Variants in SMYD3 observed in about 807,000 individuals in gnomAD.
The protein encoded by SMYD3 is histone-lysine N-methyltransferase SMYD3.
Under a neutral mutation model 57.7 loss-of-function variants are expected in SMYD3, and 36 were observed. That is an observed-to-expected ratio of 0.62 (90% confidence interval 0.48 to 0.82). The LOEUF is 0.82. SMYD3 is among the 40% of genes least tolerant of loss of function. SMYD3 has a pLI of 0.00. For synonymous variants in SMYD3, 211 were observed against 195.0 expected (o/e 1.08, Z -0.68); for missense variants, 515 against 538.8 (o/e 0.96, Z 0.44).
Position 246,355,094 on chromosome 1 carries a change from C to T in SMYD3, c.165G>A (p.Gly55=). 6.2e-7 allele frequency: 1 copy of T among 1,614,006 alleles called. No homozygotes were observed. Among genetic ancestry groups the T allele is most frequent in the African/African-American group, 1.3e-5 (1 of 75,016 alleles). The change falls in exon 2 of 12, where the codon GGG becomes GGA. Residue 55 remains glycine, a splice_region_variant and synonymous_variant. Transcript: ENST00000490107. The surrounding 1 kb of genome is among the most constrained non-coding windows in gnomAD (Gnocchi z 5.0). The part of the protein sequence containing the change: ...RGVVCDRCLL[G]KEKLMRCSQC... ...GAGAGCATCGCATCAGCTTTTCCTT[C>T]CTGTGGGGAAAAAAATTAATTCTGC...
At chr1:246,095,181 G>C (rs1209073212) in intron 5 of SMYD3, among the ~76,000 whole-genome samples, 1 of 152,148 alleles carries the variant, frequency 6.6e-6, no homozygotes, top group Non-Finnish European at 1.5e-5. Flanking sequence ...CTTGCGGGTG[G>C]CTAGCACAAA....
chr1:246,256,021 G>C (rs528604078), intron 5 of SMYD3, among the ~76,000 whole-genome samples: 47 of 151,582 alleles, frequency 3.1e-4, no homozygotes, highest in African/African-American at 1.1e-3. Flanking sequence ...TAGATACATA[G>C]ATAGATACAT....
chr1:246,155,729 C>A (rs957498458), intron 5 of SMYD3, among the ~76,000 whole-genome samples: 1 of 152,130 alleles, frequency 6.6e-6, no homozygotes, highest in Non-Finnish European at 1.5e-5. Context: ...CCTGTAATCC[C>A]GGCACTTTGG....
intron 8 of SMYD3, among the ~76,000 whole-genome samples, chr1:245,889,712 A>T (rs2053274955): frequency 1.3e-5 from 2 of 152,236 alleles, no homozygotes; most frequent in South Asian, 4.1e-4. Flanking sequence ...TACCAATGAC[A>T]TTCTTCACAG....
At chr1:245,753,386 G>C (rs1380177142) in intron 11 of SMYD3, among the ~76,000 whole-genome samples, 1 of 152,200 alleles carries the variant, frequency 6.6e-6, no homozygotes, top group Non-Finnish European at 1.5e-5. Flanking sequence ...AAAACGAGAA[G>C]AAAGAAGTAG....
intron 1 of SMYD3, among the ~76,000 whole-genome samples, chr1:246,381,796 G>A (rs2066390010): frequency 6.6e-6 from 1 of 152,192 alleles, no homozygotes; most frequent in South Asian, 2.1e-4. Context: ...TGCAGCCTCA[G>A]ACTCCTCCAG....
In SMYD3 at chr1:246,390,214, CAAAAAAAAAAAAAAAA is replaced by C. The variant is rs56279385; in HGVS notation, c.165-35136_165-35121del. ...GGGTGACAGAGCAAGATTCTGTCTC[CAAAAAAAAAAAAAAAA>C]AAAAAAAAAAAAGCAAACTCCATAA... On this transcript the variant is annotated intron_variant, in intron 1 of 11. Transcript: ENST00000490107. Among the ~76,000 whole-genome samples, 117 of 67,048 alleles carry C rather than the reference CAAAAAAAAAAAAAAAA, an allele frequency of 1.7e-3. No individual in the cohort carries two copies. In the East Asian group the frequency reaches 0.043, roughly 25 times the overall value. The allele number at this position is 67,048 out of a possible 152,430, so 44.0% of individuals were successfully genotyped here.
At chr1:246,053,952 G>A (rs181970338) in intron 5 of SMYD3, among the ~76,000 whole-genome samples, 7 of 151,954 alleles carry the variant, frequency 4.6e-5, no homozygotes, top group East Asian at 3.9e-4. Context: ...TAAAAACTTC[G>A]GCTCTTCAAA....
At chr1:246,479,260 G>C (rs2068072318) in intron 1 of SMYD3, among the ~76,000 whole-genome samples, 1 of 152,256 alleles carries the variant, frequency 6.6e-6, no homozygotes, top group Non-Finnish European at 1.5e-5. Flanking sequence ...AGGAATGAGG[G>C]CTAGAAGACC....
intron 5 of SMYD3, among the ~76,000 whole-genome samples, chr1:246,094,461 G>A (rs1166958534): frequency 6.6e-6 from 1 of 152,196 alleles, no homozygotes. Flanking sequence ...TGCTGTGAAA[G>A]ACTACAGGAT....
chr1:246,061,171 C>T (rs1014466169), intron 5 of SMYD3, among the ~76,000 whole-genome samples: 3 of 152,046 alleles, frequency 2.0e-5, no homozygotes, highest in Non-Finnish European at 4.4e-5. Flanking sequence ...TGCAGTGAGT[C>T]GAGATGGCAC....
intron 10 of SMYD3, among the ~76,000 whole-genome samples, chr1:245,787,969 T>G (rs2148170337): frequency 1.3e-5 from 2 of 152,306 alleles, no homozygotes; most frequent in Middle Eastern, 6.8e-3. Context: ...TTTAAATCAC[T>G]TAGTCCTGGG....
chr1:246,327,422 C>A, intron 4 of SMYD3, 85 bp from the exon 5 acceptor site: 1 of 1,139,772 alleles, frequency 8.8e-7, no homozygotes, highest in Non-Finnish European at 1.3e-6. Context: ...GGCTGTTAAA[C>A]CAGATATTTC....
intron 8 of SMYD3, among the ~76,000 whole-genome samples, chr1:245,864,491 T>A (rs1427163040): frequency 1.3e-5 from 2 of 152,180 alleles, no homozygotes; most frequent in Non-Finnish European, 2.9e-5. Flanking sequence ...CTTGAATACG[T>A]TACGCTAAGC....
At chr1:246,436,052 T>C (rs1234199709) in intron 1 of SMYD3, among the ~76,000 whole-genome samples, 1 of 152,088 alleles carries the variant, frequency 6.6e-6, no homozygotes, top group Non-Finnish European at 1.5e-5. Context: ...AGGTGGCAAG[T>C]TTTTTTAAAA....
chr1:246,355,106 A>C lies in SMYD3; in HGVS notation c.165-12T>G. On this transcript the variant is annotated splice_polypyrimidine_tract_variant and intron_variant, in intron 1 of 11. Transcript: ENST00000490107. The surrounding 1 kb of genome is among the most constrained non-coding windows in gnomAD (Gnocchi z 5.0). Reference sequence around the variant, plus strand: ...TCAGCTTTTCCTTCCTGTGGGGAAAAAAATTAATTCTGCATTAAGAAATGA... The same window carrying C: ...TCAGCTTTTCCTTCCTGTGGGGAAACAAATTAATTCTGCATTAAGAAATGA... The C allele has an allele frequency of 6.2e-7, 1 of 1,613,972 alleles. No homozygotes were observed.
intron 1 of SMYD3, among the ~76,000 whole-genome samples, chr1:246,367,234 G>C (rs2066120210): frequency 6.6e-6 from 1 of 152,100 alleles, no homozygotes; most frequent in South Asian, 2.1e-4. Context: ...ACATGTTTAA[G>C]GAGAATCTAG....
intron 10 of SMYD3, among the ~76,000 whole-genome samples, chr1:245,811,658 T>A (rs1488569605): frequency 6.6e-6 from 1 of 152,164 alleles, no homozygotes; most frequent in Non-Finnish European, 1.5e-5. Context: ...AATTTCATAT[T>A]TGGAAAAAGC....
chr1:246,381,388 G>T (rs1427261088), intron 1 of SMYD3, among the ~76,000 whole-genome samples: 1 of 152,180 alleles, frequency 6.6e-6, no homozygotes, highest in East Asian at 1.9e-4. Context: ...AGGTATAAAT[G>T]ATAAACTTGG....
Sources: allele counts gnomAD v4.1 joint callset (sites outside exome capture counted in the v4.1 genomes callset), GRCh38; gene constraint gnomAD v4.1.1; non-coding constraint Gnocchi (gnomAD v3.1); transcripts MANE v1.5; gene names NCBI Gene and HGNC (gene_info 2026-07-23, HGNC 2026-07-21).